Variants in FSTL4 observed in about 807,000 individuals in gnomAD.
FSTL4 encodes the protein follistatin-related protein 4.
A neutral mutation model predicts 78.2 loss-of-function variants in FSTL4; 28 were observed. The observed-to-expected ratio is 0.36, with a 90% CI of 0.27 to 0.49. FSTL4 has a LOEUF of 0.49. Among genes scored for constraint, FSTL4 ranks in the 20% least tolerant of loss-of-function variants. The pLI, the probability that FSTL4 is intolerant of heterozygous loss-of-function variation, is 0.98. For synonymous variants in FSTL4, 422 were observed against 440.5 expected (o/e 0.96, Z 0.53); for missense variants, 922 against 1,084.9 (o/e 0.85, Z 2.11).
At chr5:133,357,935 G>A (rs541118050) in intron 4 of FSTL4, among the ~76,000 whole-genome samples, 1 of 152,334 alleles carries the variant, frequency 6.6e-6, no homozygotes, top group African/African-American at 2.4e-5. Flanking sequence ...AGCACAGTCA[G>A]TGCTGGTGCC....
At chr5:133,576,747 A>G (rs1464324417) in intron 2 of FSTL4, among the ~76,000 whole-genome samples, 1 of 152,216 alleles carries the variant, frequency 6.6e-6, no homozygotes, top group South Asian at 2.1e-4. Context: ...CAATTTATGA[A>G]CCAATTAGTA....
chr5:133,817,797 G>A, the FSTL4 span, among the ~76,000 whole-genome samples: 1 of 152,154 alleles, frequency 6.6e-6, no homozygotes, highest in Non-Finnish European at 1.5e-5. Flanking sequence ...GTGAAAGCTG[G>A]GACAGAGAAT....
chr5:133,212,788 C>G (rs1483844580), intron 13 of FSTL4, among the ~76,000 whole-genome samples: 1 of 151,732 alleles, frequency 6.6e-6, no homozygotes, highest in Non-Finnish European at 1.5e-5. Flanking sequence ...CTTTGTAAAT[C>G]CCAAATCATA....
At chr5:133,217,611 G>A (rs1280430000) in intron 12 of FSTL4, among the ~76,000 whole-genome samples, 1 of 152,104 alleles carries the variant, frequency 6.6e-6, no homozygotes, top group Non-Finnish European at 1.5e-5. Context: ...CAGCTTCCAG[G>A]TTCATGTTCT....
chr5:133,211,647 T>C (rs1245758173), intron 13 of FSTL4, among the ~76,000 whole-genome samples: 1 of 152,228 alleles, frequency 6.6e-6, no homozygotes, highest in African/African-American at 2.4e-5. Flanking sequence ...CAGAGACCAT[T>C]CTGTAATCCT....
intron 3 of FSTL4, among the ~76,000 whole-genome samples, chr5:133,551,251 G>A (rs1046869616): frequency 2.0e-5 from 3 of 152,166 alleles, no homozygotes; most frequent in African/African-American, 7.2e-5. Context: ...GCAAGTGTGG[G>A]AGGGAGGATA....
intron 4 of FSTL4, among the ~76,000 whole-genome samples, chr5:133,329,172 A>G (rs758232590): frequency 2.0e-5 from 3 of 152,198 alleles, no homozygotes; most frequent in Non-Finnish European, 4.4e-5. Flanking sequence ...AGGAGTCTCT[A>G]TAAACGGTCT....
chr5:133,701,509 A>ACACACACACACCCCCC, the FSTL4 span, among the ~76,000 whole-genome samples: 6 of 132,622 alleles, frequency 4.5e-5, no homozygotes, highest in African/African-American at 8.5e-5. Context: ...ACACACACAC[A>ACACACACACACCCCCC]CCCCACAGGC....
chr5:133,818,785 C>A, the FSTL4 span, among the ~76,000 whole-genome samples: 1 of 151,170 alleles, frequency 6.6e-6, no homozygotes, highest in Non-Finnish European at 1.5e-5. Flanking sequence ...AATCCCCTTT[C>A]AATTCAGATT....
intron 4 of FSTL4, among the ~76,000 whole-genome samples, chr5:133,359,281 C>T (rs544909429): frequency 3.9e-4 from 60 of 152,304 alleles, no homozygotes; most frequent in African/African-American, 1.4e-3. Context: ...CGTCAAAAGG[C>T]GCATAGTAAA....
rs1751140299 is a variant in FSTL4, at chr5:133,221,913, T to TTTTTTTTTTTTTTTTTTTTTTTTG, written c.1340-1048_1340-1047insCAAAAAAAAAAAAAAAAAAAAAAA. Among the ~76,000 whole-genome samples the TTTTTTTTTTTTTTTTTTTTTTTTG allele has an allele frequency of 4.1e-5, 4 of 97,808 alleles. 1 individual carries two copies. The highest frequency in any genetic ancestry group is 7.8e-5 in the Non-Finnish European group (4 of 51,390). The allele number at this position is 97,808 out of a possible 152,430, so 64.2% of individuals were successfully genotyped here. A position where few individuals can be genotyped will look rare whatever the true frequency, so the allele number is the denominator to read the frequency against. The stretch of plus-strand genomic sequence containing the variant: ...CTAGTTTTTTTTTTTTTTTTTTTTT[T>TTTTTTTTTTTTTTTTTTTTTTTTG]TTTTTTTTTTTTTTAGCATGCTGAG... On this transcript the variant is annotated intron_variant, in intron 11 of 15. Transcript: ENST00000265342.
the FSTL4 span, among the ~76,000 whole-genome samples, chr5:133,636,784 G>A: frequency 6.6e-6 from 1 of 152,178 alleles, no homozygotes; most frequent in African/African-American, 2.4e-5. Flanking sequence ...GGACTATGGT[G>A]CAGGGTGGTA....
the FSTL4 span, among the ~76,000 whole-genome samples, chr5:133,789,431 GAAGCT>G: frequency 6.6e-6 from 1 of 152,266 alleles, no homozygotes; most frequent in African/African-American, 2.4e-5. Context: ...ACTCTACAAG[GAAGCT>G]AATCACTAGA....
chr5:133,748,782 C>T, the FSTL4 span, among the ~76,000 whole-genome samples: 1 of 152,122 alleles, frequency 6.6e-6, no homozygotes, highest in Non-Finnish European at 1.5e-5. Context: ...TCAGGCCTTC[C>T]TAAGGTGGGG....
chr5:133,513,559 A>G (rs961216906), intron 3 of FSTL4, among the ~76,000 whole-genome samples: 9 of 152,304 alleles, frequency 5.9e-5, no homozygotes, highest in Non-Finnish European at 7.3e-5. Flanking sequence ...TTCCTATAGA[A>G]TTCTTCCAAT....
the FSTL4 span, among the ~76,000 whole-genome samples, chr5:133,790,009 A>G: frequency 6.6e-6 from 1 of 152,040 alleles, no homozygotes; most frequent in Non-Finnish European, 1.5e-5. Flanking sequence ...CACTCACAGG[A>G]TTCCATTTCC....
chr5:133,626,184 A>G, the FSTL4 span, among the ~76,000 whole-genome samples: 17 of 6,236 alleles, frequency 2.7e-3, no homozygotes, highest in East Asian at 7.6e-3. Flanking sequence ...CCATATATAT[A>G]TATTCCATAT....
At chr5:133,733,895 G>A in the FSTL4 span, among the ~76,000 whole-genome samples, 1 of 152,190 alleles carries the variant, frequency 6.6e-6, no homozygotes, top group Non-Finnish European at 1.5e-5. Flanking sequence ...CACTCCCATG[G>A]CTGGAGCATT....
chr5:133,662,175 G>A, the FSTL4 span, among the ~76,000 whole-genome samples: 2 of 151,978 alleles, frequency 1.3e-5, no homozygotes, highest in Admixed American at 6.6e-5. Flanking sequence ...TTCTAAAAAG[G>A]CTTTAAAAAA....
Sources: gnomAD v4.1 joint callset for allele counts (sites outside exome capture counted in the v4.1 genomes callset) on GRCh38, gnomAD v4.1.1 for gene constraint, MANE v1.5 for transcripts, NCBI Gene and HGNC (gene_info 2026-07-23, HGNC 2026-07-21) for gene names.